Variants in WDR27 observed in about 807,000 individuals in gnomAD.
The protein encoded by WDR27 is WD repeat domain 27, also known as WD repeat-containing protein 27.
A neutral mutation model predicts 114.4 loss-of-function variants in WDR27; 100 were observed. That is an observed-to-expected ratio of 0.87 (90% CI 0.74 to 1.03). WDR27 has a LOEUF of 1.03. Among genes scored for constraint, WDR27 ranks in the 50% least tolerant of loss-of-function variants. The probability of loss-of-function intolerance (pLI) is 0.00; values close to 1 mark genes in which losing one functional copy is unlikely to be tolerated. For synonymous variants in WDR27, 449 were observed against 423.1 expected, an observed-to-expected ratio of 1.06 and a Z score of -0.75; for missense variants, 1,129 against 1,092.9, an observed-to-expected ratio of 1.03 and a Z score of -0.47.
chr6:169,550,543 C>A (rs1048027831), intron 25 of WDR27, among the ~76,000 whole-genome samples: 1 of 151,918 alleles, frequency 6.6e-6, no homozygotes, highest in African/African-American at 2.4e-5. Context: ...CCTCAGCCAC[C>A]TGAGTAGCTA....
intron 1 of WDR27, among the ~76,000 whole-genome samples, chr6:169,694,242 C>T (rs1312182526): frequency 6.6e-6 from 1 of 152,124 alleles, no homozygotes; most frequent in African/African-American, 2.4e-5. Context: ...ACCTGGGAGG[C>T]TGAGTATGCA....
rs113883597 is a variant in WDR27, at chr6:169,502,059, C to G, written c.2646-44425G>C. On this transcript the variant is annotated intron_variant, in intron 25 of 25. Transcript: ENST00000448612. Reference sequence around the variant, plus strand: ...ATCCAATGCCCTGAACGGAGCCGCACGCACCACCTCCCCCCAGGCTAGGGC... The same window carrying G: ...ATCCAATGCCCTGAACGGAGCCGCAGGCACCACCTCCCCCCAGGCTAGGGC... 3.5e-4 allele frequency among the ~76,000 whole-genome samples: 54 copies of G among 152,184 alleles called. 1 individual carries two copies. Among genetic ancestry groups the G allele is most frequent in the African/African-American group, 4.1e-4 (17 of 41,446 alleles).
At chr6:169,567,877 C>T (rs191445903) in intron 25 of WDR27, among the ~76,000 whole-genome samples, 3 of 152,284 alleles carry the variant, frequency 2.0e-5, no homozygotes, top group East Asian at 1.9e-4. Context: ...GTGAGAGCGG[C>T]GGTCCACTGT....
chr6:169,495,440 G>A (rs564956221), intron 25 of WDR27, among the ~76,000 whole-genome samples: 17 of 151,156 alleles, frequency 1.1e-4, no homozygotes, highest in Non-Finnish European at 2.1e-4. Context: ...AATGAAATAA[G>A]AAATATTAGA....
chr6:169,490,164 C>A (rs1789558132), intron 25 of WDR27, among the ~76,000 whole-genome samples: 1 of 152,186 alleles, frequency 6.6e-6, no homozygotes, highest in South Asian at 2.1e-4. Context: ...AGCCAGGTGT[C>A]CTGGCAAGAA....
At chr6:169,466,161 C>T (rs1213617164) in intron 25 of WDR27, among the ~76,000 whole-genome samples, 134 of 152,270 alleles carry the variant, frequency 8.8e-4, no homozygotes, top group Admixed American at 7.8e-4. Flanking sequence ...AAAGCAGAGA[C>T]GGCTCACCCA....
intron 25 of WDR27, among the ~76,000 whole-genome samples, chr6:169,492,549 A>G (rs1214159709): frequency 6.6e-6 from 1 of 152,136 alleles, no homozygotes; most frequent in Non-Finnish European, 1.5e-5. Flanking sequence ...ATATATATCA[A>G]TCTTCAAGTT....
chr6:169,685,945 G>C (rs1217754783), intron 2 of WDR27, among the ~76,000 whole-genome samples: 1 of 152,136 alleles, frequency 6.6e-6, no homozygotes, highest in Non-Finnish European at 1.5e-5. Context: ...AAAAATTAAA[G>C]CAGCAAAAGC....
At position 169,649,101 on chromosome 6, in the gene WDR27, T is replaced by C. The variant is rs760281294; in HGVS notation, c.1559+97A>G. On this transcript the variant is annotated intron_variant, in intron 15 of 25. Coordinates refer to ENST00000448612, the MANE Select transcript of WDR27 (RefSeq NM_182552.5). ...ATATGTGTGTAAACACATGTACACA[T>C]ATAAGGTTTTATATCTGTTTGGAAA... 3.7e-4 allele frequency: 360 copies of C among 963,790 alleles called. 3 individuals carry two copies. Among genetic ancestry groups the C allele is most frequent in the Non-Finnish European group, 5.4e-4 (333 of 612,222 alleles). 59.7% of individuals were successfully genotyped at this position (963,790 alleles called of 1,614,324 possible). A position where few individuals can be genotyped will look rare whatever the true frequency, so the allele number is the denominator to read the frequency against.
intron 25 of WDR27, among the ~76,000 whole-genome samples, chr6:169,570,566 C>T (rs955373052): frequency 1.3e-5 from 2 of 152,226 alleles, no homozygotes; most frequent in East Asian, 3.9e-4. Context: ...CAGTGGCTCA[C>T]GCCTGTAATC....
At chr6:169,695,863 G>T (rs767763595) in intron 1 of WDR27, among the ~76,000 whole-genome samples, 14 of 152,182 alleles carry the variant, frequency 9.2e-5, no homozygotes, top group Non-Finnish European at 2.1e-4. Flanking sequence ...ATGATGCACT[G>T]TGAGAAGGAC....
chr6:169,465,865 G>A (rs1394287134), intron 25 of WDR27, among the ~76,000 whole-genome samples: 1 of 152,212 alleles, frequency 6.6e-6, no homozygotes, highest in African/African-American at 2.4e-5. Context: ...GCCAGGGACT[G>A]AGGAAGGGGA....
At chr6:169,618,183 G>T (rs1384111544) in intron 21 of WDR27, among the ~76,000 whole-genome samples, 3 of 152,014 alleles carry the variant, frequency 2.0e-5, no homozygotes, top group Non-Finnish European at 4.4e-5. Flanking sequence ...TAACATAAGT[G>T]ACTATTCCTG....
chr6:169,501,760 C>T (rs1225692955), intron 25 of WDR27, among the ~76,000 whole-genome samples: 2 of 152,166 alleles, frequency 1.3e-5, no homozygotes, highest in Non-Finnish European at 2.9e-5. Flanking sequence ...CAGGAGTTTG[C>T]GGTTGTCTGC....
chr6:169,621,691 T>C (rs571995544), intron 21 of WDR27, among the ~76,000 whole-genome samples: 1 of 150,546 alleles, frequency 6.6e-6, no homozygotes, highest in East Asian at 2.0e-4. Context: ...CACATGCATA[T>C]ACATACCCAC....
At chr6:169,565,187 C>T (rs1800273621) in intron 25 of WDR27, among the ~76,000 whole-genome samples, 1 of 152,200 alleles carries the variant, frequency 6.6e-6, no homozygotes, top group Admixed American at 6.5e-5. Context: ...GTACTCCCTT[C>T]CCAGTGAACA....
intron 23 of WDR27, among the ~76,000 whole-genome samples, chr6:169,595,548 A>C (rs1331704553): frequency 3.3e-5 from 5 of 152,172 alleles, no homozygotes; most frequent in African/African-American, 9.6e-5. Flanking sequence ...GTCAGCTTCA[A>C]CTGATCTCTT....
At chr6:169,467,333 G>A (rs1259430677) in intron 25 of WDR27, among the ~76,000 whole-genome samples, 4 of 152,182 alleles carry the variant, frequency 2.6e-5, no homozygotes, top group Admixed American at 6.5e-5. Flanking sequence ...TGCCCCAGTG[G>A]GGACTCTGTA....
chr6:169,501,332 C>T (rs1411297168), intron 25 of WDR27, among the ~76,000 whole-genome samples: 1 of 152,208 alleles, frequency 6.6e-6, no homozygotes, highest in Non-Finnish European at 1.5e-5. Context: ...CAGACACACT[C>T]ACCCATGTGT....
Sources: gnomAD v4.1 joint callset for allele counts (sites outside exome capture counted in the v4.1 genomes callset) on GRCh38, gnomAD v4.1.1 for gene constraint, MANE v1.5 for transcripts, NCBI Gene and HGNC (gene_info 2026-07-23, HGNC 2026-07-21) for gene names.